SNX29: variants seen among roughly 807,000 people sequenced by gnomAD.
SNX29 encodes the protein sorting nexin-29.
SNX29 carries 78 observed loss-of-function variants against 102.1 expected under a neutral mutation model. The observed-to-expected ratio is 0.76, with a 90% CI of 0.64 to 0.92. The LOEUF (loss-of-function observed/expected upper bound fraction) is 0.92. SNX29 is among the 40% of genes least tolerant of loss of function. The pLI is 0.00. For synonymous variants in SNX29, 580 were observed against 414.5 expected (o/e 1.40, Z -4.85); for missense variants, 1,280 against 1,061.7 (o/e 1.21, Z -2.86).
At chr16:12,568,335 C>A (rs570666411) in intron 20 of SNX29, among the ~76,000 whole-genome samples, 171 bp from the exon 21 acceptor site, 68 of 147,680 alleles carry the variant, frequency 4.6e-4, no homozygotes, top group African/African-American at 1.6e-3. Flanking sequence ...GTTTACGTGA[C>A]AATAGGGGTT....
intron 13 of SNX29, among the ~76,000 whole-genome samples, chr16:12,191,439 A>G (rs547676794): frequency 3.6e-4 from 55 of 152,262 alleles, no homozygotes; most frequent in African/African-American, 1.2e-3. Context: ...TAGGTATCTC[A>G]GCCTGCAGCC....
rs558600218 is a variant in SNX29, at chr16:12,147,429, CCATT to C, written c.1595+17676_1595+17679del. ...TTCACCGGGGAGGGAAATGCTTTTC[CCATT>C]CATTAATGCTTCATTTCTTGTCTTT... On this transcript the variant is annotated intron_variant, in intron 13 of 20. Coordinates refer to ENST00000566228, the MANE Select transcript of SNX29 (RefSeq NM_032167.5). Among the ~76,000 whole-genome samples the C allele has an allele frequency of 7.2e-5, 11 of 152,256 alleles. No individual in the cohort carries two copies. The South Asian group carries it at 2.3e-3, about 32-fold the overall frequency.
intron 20 of SNX29, among the ~76,000 whole-genome samples, chr16:12,534,277 C>T (rs775422630): frequency 2.0e-5 from 3 of 152,240 alleles, no homozygotes; most frequent in Admixed American, 6.5e-5. Context: ...GGCACACCTG[C>T]CGTCTTTCTC....
chr16:12,092,783 C>A (rs1208783738), intron 11 of SNX29, among the ~76,000 whole-genome samples: 1 of 152,176 alleles, frequency 6.6e-6, no homozygotes, highest in African/African-American at 2.4e-5. Flanking sequence ...ACTTGCCTGA[C>A]CTCGTTAGTT....
chr16:12,259,129 C>T (rs373061348), intron 14 of SNX29, among the ~76,000 whole-genome samples: 3 of 152,118 alleles, frequency 2.0e-5, no homozygotes, highest in African/African-American at 4.8e-5. Flanking sequence ...TAAGATTTTC[C>T]GGGAAGTTGT....
chr16:12,136,839 A>G (rs1035461474), intron 13 of SNX29, among the ~76,000 whole-genome samples: 7 of 152,212 alleles, frequency 4.6e-5, no homozygotes, highest in African/African-American at 1.7e-4. Flanking sequence ...TCCTGGGTTC[A>G]AGCAATTCTC....
chr16:12,557,091 T>C (rs919697778), intron 20 of SNX29, among the ~76,000 whole-genome samples: 2 of 147,400 alleles, frequency 1.4e-5, no homozygotes, highest in Admixed American at 7.1e-5. Flanking sequence ...TCAAGCCATC[T>C]AGCTGCCTCA....
intron 19 of SNX29, among the ~76,000 whole-genome samples, chr16:12,520,246 C>T (rs1316858465): frequency 6.6e-6 from 1 of 152,196 alleles, no homozygotes; most frequent in Non-Finnish European, 1.5e-5. Flanking sequence ...AGGTGTCAGG[C>T]TTCCTCCTCT....
intron 18 of SNX29, among the ~76,000 whole-genome samples, chr16:12,437,718 T>C (rs756078035): frequency 3.9e-5 from 6 of 152,124 alleles, no homozygotes; most frequent in Admixed American, 6.5e-5. Context: ...GGCACCCAGA[T>C]TTATCTCCAC....
intron 13 of SNX29, among the ~76,000 whole-genome samples, chr16:12,140,156 G>A (rs1022181510): frequency 6.6e-6 from 1 of 152,072 alleles, no homozygotes; most frequent in Non-Finnish European, 1.5e-5. Context: ...CTCTCAGGGG[G>A]TATCACGCAT....
chr16:12,530,940 C>G (rs1346299531), intron 20 of SNX29, among the ~76,000 whole-genome samples: 1 of 152,196 alleles, frequency 6.6e-6, no homozygotes, highest in East Asian at 1.9e-4. Context: ...ATTTATTTCA[C>G]CCTTGCTCTA....
intron 4 of SNX29, among the ~76,000 whole-genome samples, chr16:12,033,473 C>T (rs1431095355): frequency 6.6e-6 from 1 of 152,172 alleles, no homozygotes; most frequent in African/African-American, 2.4e-5. Flanking sequence ...TTGTTCTCTT[C>T]TCTTCTGAAG....
At chr16:12,000,226 G>T (rs2056237986) in intron 2 of SNX29, 1 of 153,158 alleles carries the variant, frequency 6.5e-6, no homozygotes, top group Admixed American at 6.5e-5. Flanking sequence ...GCTGCTGTTA[G>T]CTGTCACTGA....
Position 12,524,884 on chromosome 16 carries a change from C to T in SNX29, c.2318+43C>T, listed in dbSNP as rs949954883. 36 of 1,596,486 alleles carry T rather than the reference C, an allele frequency of 2.3e-5. No individual in the cohort carries two copies. The Admixed American group carries it at 4.7e-4, about 21-fold the overall frequency. On this transcript the variant is annotated intron_variant, in intron 20 of 20. Transcript: ENST00000566228. ...GGACATGGGCCGCCAGCCCTGCCAGCATTTTTTTCTCGGTCGTTTTGGAAG... is the reference window on the plus strand; with the variant it reads ...GGACATGGGCCGCCAGCCCTGCCAGTATTTTTTTCTCGGTCGTTTTGGAAG...
chr16:12,356,345 CA>C, intron 16 of SNX29, 66 bp downstream of exon 16: 4 of 1,390,282 alleles, frequency 2.9e-6, no homozygotes, highest in Non-Finnish European at 4.0e-6. Flanking sequence ...TAGAAAAGCA[CA>C]GAGACTCACA....
chr16:12,260,656 G>T (rs1160745739), intron 14 of SNX29, among the ~76,000 whole-genome samples: 1 of 63,004 alleles, frequency 1.6e-5, no homozygotes, highest in African/African-American at 5.9e-5. Context: ...CCAGGTCCCC[G>T]GCTGGAGTGG....
At chr16:12,286,245 C>G (rs531823062) in intron 15 of SNX29, among the ~76,000 whole-genome samples, 1 of 151,978 alleles carries the variant, frequency 6.6e-6, no homozygotes, top group South Asian at 2.1e-4. Flanking sequence ...TAAGTGTCTC[C>G]TATATATCAG....
intron 10 of SNX29, among the ~76,000 whole-genome samples, chr16:12,077,360 G>A (rs981994594): frequency 6.7e-6 from 1 of 149,938 alleles, no homozygotes; most frequent in Non-Finnish European, 1.5e-5. Context: ...TGTTGTTGAT[G>A]TTTTGGTACT....
intron 18 of SNX29, among the ~76,000 whole-genome samples, chr16:12,472,755 A>C (rs538666748): frequency 1.3e-5 from 2 of 151,840 alleles, no homozygotes; most frequent in East Asian, 3.9e-4. Flanking sequence ...AGGTTTTTGC[A>C]TTTTTTTCTC....
Sources: allele counts gnomAD v4.1 joint callset (sites outside exome capture counted in the v4.1 genomes callset), GRCh38; gene constraint gnomAD v4.1.1; transcripts MANE v1.5; gene names NCBI Gene and HGNC (gene_info 2026-07-23, HGNC 2026-07-21).